PVT1: variants seen among roughly 807,000 people sequenced by gnomAD.
The protein encoded by PVT1 is CXCR4/PVT1 fusion.
intron 4 of PVT1, among the ~76,000 whole-genome samples, chr8:128,060,719 C>T (rs144320563): frequency 5.1e-4 from 77 of 152,270 alleles, no homozygotes; most frequent in African/African-American, 1.7e-3. Flanking sequence ...CTTCTCTGCC[C>T]ATTACAATTG....
Position 127,922,017 on chromosome 8 carries a change from C to T in PVT1, n.782+31019C>T, listed in dbSNP as rs142358976. Among the ~76,000 whole-genome samples the T allele has an allele frequency of 6.8e-3, 1,031 of 151,116 alleles. 9 individuals are homozygous for T. Among genetic ancestry groups the T allele is most frequent in the African/African-American group, 0.024 (975 of 41,282 alleles). ...CTAGGACTACAAGCATGTGCCACCA[C>T]GCCCGGTTAATTTTTGTATTTTTAG... On this transcript the variant is annotated intron_variant and non_coding_transcript_variant, in intron 3 of 10. Coordinates refer to ENST00000651587, the Ensembl canonical transcript of PVT1.
intron 3 of PVT1, among the ~76,000 whole-genome samples, chr8:127,938,556 G>A (rs1816307007): frequency 6.6e-6 from 1 of 152,184 alleles, no homozygotes; most frequent in African/African-American, 2.4e-5. Context: ...TAGCAAAACA[G>A]ATTACACAAG....
intron 2 of PVT1, among the ~76,000 whole-genome samples, chr8:127,842,180 A>AT (rs1393281752): frequency 2.0e-5 from 3 of 150,920 alleles, no homozygotes; most frequent in African/African-American, 7.3e-5. Flanking sequence ...TCCTCTTTAA[A>AT]TTTTTTTTAA....
intron 1 of PVT1, chr8:127,795,752 CT>C (rs1814388011): frequency 6.5e-6 from 1 of 153,602 alleles, no homozygotes; most frequent in Non-Finnish European, 1.5e-5. Flanking sequence ...TGTTTCAGAC[CT>C]ATTTTGCATA....
intron 4 of PVT1, among the ~76,000 whole-genome samples, chr8:128,027,649 G>A (rs1418006788): frequency 1.3e-5 from 2 of 152,176 alleles, no homozygotes; most frequent in Non-Finnish European, 1.5e-5. Flanking sequence ...AAGAGACCCT[G>A]GGTTCTTGCC....
chr8:127,882,458 C>A (rs573295660), intron 2 of PVT1, among the ~76,000 whole-genome samples: 4 of 152,044 alleles, frequency 2.6e-5, no homozygotes, highest in African/African-American at 9.6e-5. Flanking sequence ...AAGGAGACAT[C>A]GTCTTTTTGG....
At position 127,944,554 on chromosome 8, in the gene PVT1, A is replaced by ATT. The variant is rs11403538; in HGVS notation, n.783-44595_783-44594dup. ...TGAATCCCTCTGCCACAGTTGTCCC[A>ATT]TTTTTTTTTTTTTTAAATGGTGACC... On this transcript the variant is annotated intron_variant and non_coding_transcript_variant, in intron 3 of 10. Coordinates refer to ENST00000651587, the Ensembl canonical transcript of PVT1. Among the ~76,000 whole-genome samples the ATT allele has an allele frequency of 1.4e-3, 210 of 145,472 alleles. 1 individual carries two copies. The highest frequency in any genetic ancestry group is 3.5e-3 in the Middle Eastern group (1 of 286).
At chr8:127,862,509 T>G (rs1352935230) in intron 2 of PVT1, among the ~76,000 whole-genome samples, 1 of 152,186 alleles carries the variant, frequency 6.6e-6, no homozygotes, top group Non-Finnish European at 1.5e-5. Flanking sequence ...CAGTTCATAG[T>G]TCATAGCTTA....
At chr8:127,960,636 G>C (rs1238262778) in intron 3 of PVT1, 1 of 518,662 alleles carries the variant, frequency 1.9e-6, no homozygotes, top group Admixed American at 2.1e-5. Context: ...TATCACTGAA[G>C]GCCTCTGCAG....
At chr8:128,053,881 G>T (rs767032029) in intron 4 of PVT1, among the ~76,000 whole-genome samples, 2 of 152,228 alleles carry the variant, frequency 1.3e-5, no homozygotes, top group African/African-American at 4.8e-5. Flanking sequence ...TGCCCAGCTG[G>T]TTCCGTCCTT....
intron 3 of PVT1, among the ~76,000 whole-genome samples, chr8:127,910,556 C>A (rs142347074): frequency 6.6e-6 from 1 of 152,288 alleles, no homozygotes; most frequent in Non-Finnish European, 1.5e-5. Context: ...CATGAAGAAC[C>A]TACCAGTCAA....
chr8:127,879,291 G>C (rs2129783109), intron 2 of PVT1, among the ~76,000 whole-genome samples: 1 of 152,364 alleles, frequency 6.6e-6, no homozygotes, highest in East Asian at 1.9e-4. Flanking sequence ...CACTTCGGGA[G>C]GCCAAGGCCG....
chr8:127,969,261 CT>C (rs1816736569), intron 3 of PVT1, among the ~76,000 whole-genome samples: 1 of 152,138 alleles, frequency 6.6e-6, no homozygotes, highest in Non-Finnish European at 1.5e-5. Flanking sequence ...CTGCTGAAAT[CT>C]GGTAATCCAA....
rs555093347 is a variant in PVT1, at chr8:128,039,348, G to T, written n.913-30812G>T. Among the ~76,000 whole-genome samples the T allele has an allele frequency of 3.0e-4, 45 of 152,288 alleles. 1 individual carries two copies. The South Asian group carries it at 9.1e-3, about 31-fold the overall frequency. Reference sequence around the variant, plus strand: ...GAACAATCCACACCAGCTGGTTGGGGAATCATCCAAAGAGACAATTTCTAC... The same window carrying T: ...GAACAATCCACACCAGCTGGTTGGGTAATCATCCAAAGAGACAATTTCTAC... On this transcript the variant is annotated intron_variant and non_coding_transcript_variant, in intron 4 of 10. Coordinates refer to ENST00000651587, the Ensembl canonical transcript of PVT1.
In PVT1 at chr8:127,826,994, C is replaced by CTTTTTT. The variant is rs5894901; in HGVS notation, n.372+30936_372+30941dup. Among the ~76,000 whole-genome samples, 458 of 113,834 alleles carry CTTTTTT rather than the reference C, an allele frequency of 4.0e-3. 4 individuals are homozygous for CTTTTTT. The highest frequency in any genetic ancestry group is 5.6e-3 in the Non-Finnish European group (329 of 58,832). The allele number at this position is 113,834 out of a possible 152,430, so 74.7% of individuals were successfully genotyped here. A position where few individuals can be genotyped will look rare whatever the true frequency, so the allele number is the denominator to read the frequency against. ...TTTCTTTTTCTTTCTTTCTTTTTCT[C>CTTTTTT]TTTTTTTTTTTTTTTTTTGAGATGG... On this transcript the variant is annotated intron_variant and non_coding_transcript_variant, in intron 2 of 10. Coordinates refer to ENST00000651587, the Ensembl canonical transcript of PVT1.
intron 5 of PVT1, among the ~76,000 whole-genome samples, chr8:128,072,001 A>C (rs1207725510): frequency 6.6e-6 from 1 of 152,226 alleles, no homozygotes; most frequent in Non-Finnish European, 1.5e-5. Flanking sequence ...CACAGAGTTA[A>C]TAAACATAAA....
At chr8:127,925,098 T>C (rs1816113250) in intron 3 of PVT1, among the ~76,000 whole-genome samples, 1 of 152,242 alleles carries the variant, frequency 6.6e-6, no homozygotes, top group Non-Finnish European at 1.5e-5. Context: ...ATTGTTGAGC[T>C]ACTTGTACTA....
At chr8:127,970,285 A>ATTCG (rs1816748254) in intron 3 of PVT1, among the ~76,000 whole-genome samples, 5 of 26,814 alleles carry the variant, frequency 1.9e-4, no homozygotes, top group Non-Finnish European at 7.7e-5. Context: ...ATCTGCCATG[A>ATTCG]TTTGTTTTTT....
chr8:128,040,831 G>A (rs907177738), intron 4 of PVT1, among the ~76,000 whole-genome samples: 3 of 151,580 alleles, frequency 2.0e-5, no homozygotes, highest in Non-Finnish European at 2.9e-5. Context: ...TTGTGTGTTT[G>A]TGTATGTACA....
Sources: allele counts gnomAD v4.1 joint callset (sites outside exome capture counted in the v4.1 genomes callset), GRCh38; gene constraint gnomAD v4.1.1; transcripts MANE v1.5; gene names NCBI Gene and HGNC (gene_info 2026-07-23, HGNC 2026-07-21).